Variants in OTUB2 observed in about 807,000 individuals in gnomAD.
The protein encoded by OTUB2 is OTU deubiquitinase, ubiquitin aldehyde binding 2, also known as ubiquitin thioesterase OTUB2.
In OTUB2, 21 loss-of-function variants were observed where a neutral mutation model predicts 25.1. That is an observed-to-expected ratio of 0.84 (90% confidence interval 0.59 to 1.21). The LOEUF (loss-of-function observed/expected upper bound fraction) is 1.21, where lower values mean the gene tolerates loss of function less well. Ranked by LOEUF, OTUB2 falls within the 50% of genes most tolerant of loss-of-function variation. The pLI, the probability that OTUB2 is intolerant of heterozygous loss-of-function variation, is 0.00. For missense variants in OTUB2, 283 were observed against 298.0 expected (o/e 0.95, Z 0.37); for synonymous variants, 122 against 122.8 (o/e 0.99, Z 0.04).
chr14:94,042,886 C>G (rs1238928477), intron 3 of OTUB2, among the ~76,000 whole-genome samples: 2 of 152,234 alleles, frequency 1.3e-5, no homozygotes, highest in Non-Finnish European at 2.9e-5. Context: ...TGGCCAAAAG[C>G]CACAGGGGGA....
At chr14:94,027,160 C>A (rs1344441035) in intron 1 of OTUB2, among the ~76,000 whole-genome samples, 2 of 152,216 alleles carry the variant, frequency 1.3e-5, no homozygotes, top group African/African-American at 4.8e-5. Context: ...GCCTTGTCTG[C>A]GCAGAACGAG....
At chr14:94,033,757 C>T (rs1885001275) in intron 1 of OTUB2, among the ~76,000 whole-genome samples, 2 of 152,156 alleles carry the variant, frequency 1.3e-5, no homozygotes, top group South Asian at 4.1e-4. Context: ...TTCAGTATTA[C>T]CTGTTTGTCC....
intron 1 of OTUB2, among the ~76,000 whole-genome samples, chr14:94,033,205 C>T (rs1457576045): frequency 4.6e-5 from 7 of 152,152 alleles, no homozygotes; most frequent in East Asian, 3.8e-4. Flanking sequence ...CCACCGAGCC[C>T]GGCCCTATGT....
At chr14:94,038,740 C>G (rs141466561) in intron 2 of OTUB2, among the ~76,000 whole-genome samples, 1 of 152,346 alleles carries the variant, frequency 6.6e-6, no homozygotes, top group Non-Finnish European at 1.5e-5. Flanking sequence ...TCTTCCCTCC[C>G]GGACCGTAGG....
In OTUB2 at chr14:94,036,020, A is replaced by G. The variant is rs1042316447; in HGVS notation, c.4-1360A>G. 2.0e-5 allele frequency among the ~76,000 whole-genome samples: 3 copies of G among 152,160 alleles called. 1 individual carries two copies. The highest frequency in any genetic ancestry group is 1.9e-4 in the East Asian group (1 of 5,180). On this transcript the variant is annotated intron_variant, in intron 1 of 5. Transcript: ENST00000203664. ...AAGCAACAAAAGTCATTTAGGCCTC[A>G]TTATCTAATCTCATGGCCCAGCTTT...
intron 1 of OTUB2, among the ~76,000 whole-genome samples, chr14:94,034,250 C>T (rs7161041): frequency 0.16 from 23,652 of 152,168 alleles, 2,224 homozygotes; most frequent in African/African-American, 0.26. Context: ...GTGATGAGCA[C>T]GTCTTGGGCT....
intron 1 of OTUB2, among the ~76,000 whole-genome samples, chr14:94,034,852 C>G (rs1454914768): frequency 6.6e-6 from 1 of 152,252 alleles, no homozygotes; most frequent in Non-Finnish European, 1.5e-5. Context: ...CCCCAGCAGA[C>G]TTTTCATGGG....
At chr14:94,036,178 T>C (rs1461211546) in intron 1 of OTUB2, among the ~76,000 whole-genome samples, 2 of 152,156 alleles carry the variant, frequency 1.3e-5, no homozygotes, top group African/African-American at 2.4e-5. Flanking sequence ...GAGATCATTA[T>C]CTAGTCAGTG....
chr14:94,027,238 G>T (rs1254803205), intron 1 of OTUB2, among the ~76,000 whole-genome samples: 1 of 152,238 alleles, frequency 6.6e-6, no homozygotes, highest in Non-Finnish European at 1.5e-5. Flanking sequence ...GCCAGACAGG[G>T]CAGGGCTGGT....
intron 1 of OTUB2, among the ~76,000 whole-genome samples, chr14:94,030,273 A>C (rs1884934682): frequency 6.7e-6 from 1 of 148,986 alleles, no homozygotes; most frequent in South Asian, 2.2e-4. Flanking sequence ...GAGGTCGGGG[A>C]GAGAGGAGTG....
At chr14:94,036,660 G>A (rs924750679) in intron 1 of OTUB2, among the ~76,000 whole-genome samples, 1 of 152,170 alleles carries the variant, frequency 6.6e-6, no homozygotes, top group Non-Finnish European at 1.5e-5. Context: ...GGCCTGGAGA[G>A]ATCCTGCCTG....
intron 1 of OTUB2, among the ~76,000 whole-genome samples, chr14:94,033,795 G>C (rs553014595): frequency 1.3e-5 from 2 of 152,310 alleles, no homozygotes; most frequent in African/African-American, 4.8e-5. Flanking sequence ...GGCAGCAGAG[G>C]GAGAGCTTTC....
chr14:94,045,461 TGTAA>T (rs1885253846), intron 5 of OTUB2, among the ~76,000 whole-genome samples: 1 of 152,152 alleles, frequency 6.6e-6, no homozygotes, highest in Admixed American at 6.5e-5. Flanking sequence ...TGCTGTCAGG[TGTAA>T]CTACAAGGTC....
chr14:94,031,546 T>C (rs1022134555), intron 1 of OTUB2, among the ~76,000 whole-genome samples: 6 of 152,062 alleles, frequency 3.9e-5, no homozygotes, highest in African/African-American at 1.4e-4. Flanking sequence ...TCCAGCGTCA[T>C]GGTGGGAGTT....
intron 4 of OTUB2, 100 bp from the exon 5 acceptor site, chr14:94,044,486 G>C (rs1885225220): frequency 8.4e-7 from 1 of 1,185,454 alleles, no homozygotes; most frequent in Middle Eastern, 2.4e-4. Flanking sequence ...AAATGAAAAT[G>C]CACGTGAGGG....
At chr14:94,043,884 C>T in intron 3 of OTUB2, 87 bp from the exon 4 acceptor site, 2 of 1,213,248 alleles carry the variant, frequency 1.6e-6, no homozygotes, top group Non-Finnish European at 2.4e-6. Context: ...TTGGTGGGCG[C>T]AGTGGGTTGA....
chr14:94,047,088 T>C lies in OTUB2; in HGVS notation c.*1166T>C, dbSNP rs1024486088. The C allele has an allele frequency of 3.9e-5, 6 of 152,256 alleles. No individual in the cohort carries two copies. Among genetic ancestry groups the C allele is most frequent in the Admixed American group, 2.6e-4 (4 of 15,292 alleles). 9.4% of individuals were successfully genotyped at this position (152,256 alleles called of 1,614,324 possible). A position where few individuals can be genotyped will look rare whatever the true frequency, so the allele number is the denominator to read the frequency against. ...GGGCTGGCCGGCAAGATGGCACCAG[T>C]GGGGACCCACACCCTGGCTGGGCAG... On this transcript the variant is annotated 3_prime_UTR_variant, in exon 6 of 6. Transcript: ENST00000203664.
chr14:94,026,512 G>C lies in OTUB2; in HGVS notation c.-26G>C. The C allele has an allele frequency of 7.7e-7, 1 of 1,292,396 alleles. No homozygotes were observed. Among genetic ancestry groups the C allele is most frequent in the Admixed American group, 4.1e-5 (1 of 24,488 alleles). The allele number at this position is 1,292,396 out of a possible 1,614,324, so 80.1% of individuals were successfully genotyped here. A position where few individuals can be genotyped will look rare whatever the true frequency, so the allele number is the denominator to read the frequency against. On this transcript the variant is annotated 5_prime_UTR_variant, in exon 1 of 6. Transcript: ENST00000203664. ...ACCGGATCGCTCCTCGCTGGGGCGG[G>C]ACCTGGCCTGGCGGCTCTGGTCACT...
chr14:94,044,685 CTGCGCCTGCTCACG>C lies in OTUB2; in HGVS notation c.405_418del (p.Arg136GlyfsTer15), dbSNP rs772628733. On this transcript the variant is annotated frameshift_variant, in exon 5 of 6. Transcript: ENST00000203664. LOFTEE classifies it high-confidence loss of function. Reference sequence around the variant, plus strand: ...TGCCTCGGACCACATCGTGCAGTTCCTGCGCCTGCTCACGTCGGCCTTCATCAGGAACCGAGCAG... The same window carrying C: ...TGCCTCGGACCACATCGTGCAGTTCCTCGGCCTTCATCAGGAACCGAGCAG... 6.2e-7 allele frequency: 1 copy of C among 1,614,206 alleles called. No homozygotes were observed. The highest frequency in any genetic ancestry group is 8.5e-7 in the Non-Finnish European group (1 of 1,180,040).
Sources: allele counts gnomAD v4.1 joint callset (sites outside exome capture counted in the v4.1 genomes callset), GRCh38; gene constraint gnomAD v4.1.1; transcripts MANE v1.5; gene names NCBI Gene and HGNC (gene_info 2026-07-23, HGNC 2026-07-21).